MYOM3: variants seen among roughly 807,000 people sequenced by gnomAD.
The protein encoded by MYOM3 is myomesin-3.
MYOM3 carries 155 observed loss-of-function variants against 191.7 expected under a neutral mutation model. That is an observed-to-expected ratio of 0.81 (90% CI 0.71 to 0.92). MYOM3 has a LOEUF of 0.92. Among genes scored for constraint, MYOM3 ranks in the 40% least tolerant of loss-of-function variants. The pLI is 0.00. For missense variants in MYOM3, 1,889 were observed against 1,890.6 expected, an observed-to-expected ratio of 1.00 and a Z score of 0.02; for synonymous variants, 757 against 762.9, an observed-to-expected ratio of 0.99 and a Z score of 0.13.
At chr1:24,058,542 C>T (rs140587348) in intron 36 of MYOM3, among the ~76,000 whole-genome samples, 260 of 152,294 alleles carry the variant, frequency 1.7e-3, no homozygotes, top group Middle Eastern at 6.8e-3. Flanking sequence ...TACATGGAAT[C>T]GTGCCTGACA....
Position 24,081,450 on chromosome 1 carries a change from C to A in MYOM3, c.2287G>T (p.Asp763Tyr). ...PIPTRVCKVS[D>Y]LHEGHFYEFR... ...TCATAGAAGTGGCCTTCATGAAGGTCACTGACCTTTAAGAGCAGAAACACA... is the reference window on the plus strand; with the variant it reads ...TCATAGAAGTGGCCTTCATGAAGGTAACTGACCTTTAAGAGCAGAAACACA... The change falls in exon 19 of 37, where the codon GAC becomes TAC. Residue 763 changes from aspartate (D) to tyrosine (Y), a missense_variant. Physicochemically the swap from Asp to Tyr is radical, Grantham distance 160. Coordinates refer to ENST00000374434, the MANE Select transcript of MYOM3 (RefSeq NM_152372.4). 1 of 1,613,910 alleles carries A rather than the reference C, an allele frequency of 6.2e-7. No homozygotes were observed. The highest frequency in any genetic ancestry group is 1.1e-5 in the South Asian group (1 of 90,994).
At chr1:24,086,895 C>T in intron 14 of MYOM3, 68 bp from the exon 15 acceptor site, 1 of 1,500,482 alleles carries the variant, frequency 6.7e-7, no homozygotes, top group Non-Finnish European at 9.2e-7. Flanking sequence ...GGTCACCTCC[C>T]ATGATCTCTG....
rs1333401321 is a variant in MYOM3, at chr1:24,076,544, C to T, written c.2587-271G>A. On this transcript the variant is annotated intron_variant, in intron 20 of 36. Transcript: ENST00000374434. ...TTTTTTTTTTTTTGAGACGGAGTCT[C>T]GCTCTGTCGCCCAGGCTGGAGTGCA... 2.8e-4 allele frequency among the ~76,000 whole-genome samples: 12 copies of T among 42,330 alleles called. 1 individual carries two copies. Among genetic ancestry groups the T allele is most frequent in the Admixed American group, 1.1e-3 (3 of 2,684 alleles). 27.8% of individuals were successfully genotyped at this position (42,330 alleles called of 152,430 possible). A position where few individuals can be genotyped will look rare whatever the true frequency, so the allele number is the denominator to read the frequency against.
Position 24,068,496 on chromosome 1 carries a change from G to A in MYOM3, c.3151-129C>T, listed in dbSNP as rs567739251. The A allele has an allele frequency of 4.4e-5, 48 of 1,101,616 alleles. No homozygotes were observed. The African/African-American group carries it at 5.8e-4, about 13-fold the overall frequency. The allele number at this position is 1,101,616 out of a possible 1,614,324, so 68.2% of individuals were successfully genotyped here. ...CAGCCTTCAGAGACTGGGGCTGGCC[G>A]TTGGGTAACCCTCTGCTGCTCCCCC... On this transcript the variant is annotated intron_variant, in intron 25 of 36. Coordinates refer to ENST00000374434, the MANE Select transcript of MYOM3 (RefSeq NM_152372.4).
Position 24,097,977 on chromosome 1 carries a change from G to T in MYOM3, c.691C>A (p.Arg231=), listed in dbSNP as rs547592318. The change falls in exon 7 of 37, where the codon CGA becomes AGA. Residue 231 remains arginine (R), a synonymous_variant. Coordinates refer to ENST00000374434, the MANE Select transcript of MYOM3 (RefSeq NM_152372.4). ...AIEDSATYTV[R]VKNAHGQASS... ...GCCTGGCCGTGGGCGTTCTTCACTC[G>T]CACAGTGTAAGTTGCTGAGTCCTCA... The T allele has an allele frequency of 4.2e-5, 68 of 1,613,682 alleles. 1 individual carries two copies. In the South Asian group the frequency reaches 7.0e-4, roughly 17 times the overall value.
At chr1:24,095,084 C>G in intron 8 of MYOM3, 94 bp from the exon 9 acceptor site, 1 of 1,354,490 alleles carries the variant, frequency 7.4e-7, no homozygotes, top group South Asian at 1.4e-5. Context: ...CATCCCTTCT[C>G]TTCTGGGTCT....
intron 16 of MYOM3, 85 bp from the exon 17 acceptor site, chr1:24,082,799 G>A: frequency 6.9e-7 from 1 of 1,456,156 alleles, no homozygotes; most frequent in Non-Finnish European, 9.1e-7. Flanking sequence ...TGTGGAATAA[G>A]TGGTCACCAG....
At chr1:24,057,720 T>C in intron 36 of MYOM3, 93 bp from the exon 37 acceptor site, 1 of 1,099,818 alleles carries the variant, frequency 9.1e-7, no homozygotes, top group South Asian at 1.5e-5. Context: ...CCAGCTCAGG[T>C]TGCTCCCTGT....
At chr1:24,082,497 G>C (rs1449061203) in intron 17 of MYOM3, 96 bp downstream of exon 17, 1 of 1,439,042 alleles carries the variant, frequency 6.9e-7, no homozygotes, top group Admixed American at 2.6e-5. Flanking sequence ...TGTGCCACTG[G>C]CCACCAGGAC....
At chr1:24,072,996 C>G (rs922946349) in intron 23 of MYOM3, among the ~76,000 whole-genome samples, 1 of 152,184 alleles carries the variant, frequency 6.6e-6, no homozygotes, top group Non-Finnish European at 1.5e-5. Context: ...GAATCCTTAA[C>G]ACTATGAGTC....
intron 26 of MYOM3, 59 bp from the exon 27 acceptor site, chr1:24,068,088 G>A (rs917840356): frequency 6.4e-5 from 102 of 1,594,740 alleles, no homozygotes; most frequent in Middle Eastern, 1.7e-4. Flanking sequence ...CTGGAGAGGG[G>A]ACATGGGGTG....
chr1:24,062,581 C>T (rs1433035134), intron 32 of MYOM3, among the ~76,000 whole-genome samples: 1 of 152,164 alleles, frequency 6.6e-6, no homozygotes, highest in Non-Finnish European at 1.5e-5. Context: ...GTTGGATTAT[C>T]TGGGGCCACT....
At chr1:24,107,458 C>T (rs965539132) in intron 3 of MYOM3, among the ~76,000 whole-genome samples, 2 of 152,198 alleles carry the variant, frequency 1.3e-5, no homozygotes, top group African/African-American at 4.8e-5. Context: ...CTTTCACAAA[C>T]CTTTGTTCAT....
At chr1:24,095,514 G>C (rs779694809) in intron 7 of MYOM3, 28 bp from the exon 8 acceptor site, 1 of 1,608,280 alleles carries the variant, frequency 6.2e-7, no homozygotes, top group Non-Finnish European at 8.5e-7. Flanking sequence ...AACAGAGTTG[G>C]AGAAGGTTCA....
chr1:24,101,904 G>A lies in MYOM3; in HGVS notation c.561-2129C>T, dbSNP rs577364707. ...GACAGTGGGGTGGCCTGGGGTCCTG[G>A]AGGCCTAAGGAGTAGGGGCTGAGGA... is the stretch of plus-strand genomic sequence containing the variant. On this transcript the variant is annotated intron_variant, in intron 5 of 36. Coordinates refer to ENST00000374434, the MANE Select transcript of MYOM3 (RefSeq NM_152372.4). Among the ~76,000 whole-genome samples, 13 of 152,304 alleles carry A rather than the reference G, an allele frequency of 8.5e-5. No individual in the cohort carries two copies. The East Asian group carries it at 2.5e-3, about 29-fold the overall frequency.
intron 35 of MYOM3, 77 bp from the exon 36 acceptor site, chr1:24,059,056 T>C (rs1339356009): frequency 1.0e-6 from 1 of 982,594 alleles, no homozygotes; most frequent in Non-Finnish European, 1.6e-6. Context: ...AGAGTTGAGG[T>C]TTATTTTTAA....
intron 6 of MYOM3, 49 bp from the exon 7 acceptor site, chr1:24,098,060 G>A: frequency 8.1e-7 from 1 of 1,239,518 alleles, no homozygotes; most frequent in Non-Finnish European, 1.2e-6. Flanking sequence ...TGGGCTCCAT[G>A]GGAAACACAA....
chr1:24,065,819 C>G (rs2148542939), intron 29 of MYOM3, 72 bp downstream of exon 29: 1 of 1,187,314 alleles, frequency 8.4e-7, no homozygotes, highest in East Asian at 2.3e-5. Flanking sequence ...TGACTCCCAG[C>G]CCAGAGCTCT....
chr1:24,106,360 G>T (rs1197290787), intron 4 of MYOM3, among the ~76,000 whole-genome samples: 1 of 152,134 alleles, frequency 6.6e-6, no homozygotes, highest in Non-Finnish European at 1.5e-5. Flanking sequence ...CACCCACTGT[G>T]GGGGTGTGGG....
Sources: gnomAD v4.1 joint callset for allele counts (sites outside exome capture counted in the v4.1 genomes callset) on GRCh38, gnomAD v4.1.1 for gene constraint, MANE v1.5 for transcripts, NCBI Gene and HGNC (gene_info 2026-07-23, HGNC 2026-07-21) for gene names.